The following JARID2 variants were observed in gnomAD, a reference collection of about 807,000 sequenced individuals.
The protein encoded by JARID2 is protein Jumonji.
Under a neutral mutation model 125.6 loss-of-function variants are expected in JARID2, and 21 were observed. That is an observed-to-expected ratio of 0.17 (90% CI 0.12 to 0.24). The LOEUF (loss-of-function observed/expected upper bound fraction) is 0.24, where lower values mean the gene tolerates loss of function less well. JARID2 is among the 10% of genes least tolerant of loss of function. The pLI, the probability that JARID2 is intolerant of heterozygous loss-of-function variation, is 1.00. For missense variants in JARID2, 1,303 were observed against 1,639.6 expected (o/e 0.79, Z 3.55); for synonymous variants, 736 against 661.6 (o/e 1.11, Z -1.73).
chr6:15,390,400 G>A (rs913031993), intron 2 of JARID2, among the ~76,000 whole-genome samples: 14 of 152,252 alleles, frequency 9.2e-5, no homozygotes, highest in South Asian at 2.1e-4. Flanking sequence ...AAGCAGGGAC[G>A]TCCTTCTTAG....
At chr6:15,417,556 A>G (rs190747548) in intron 3 of JARID2, among the ~76,000 whole-genome samples, 2 of 152,290 alleles carry the variant, frequency 1.3e-5, no homozygotes, top group African/African-American at 4.8e-5. Flanking sequence ...CGTGGGCAAT[A>G]TGGCGAAACT....
At chr6:15,516,697 G>A (rs760860790) in intron 16 of JARID2, among the ~76,000 whole-genome samples, 11 of 152,218 alleles carry the variant, frequency 7.2e-5, no homozygotes, top group East Asian at 1.9e-4. Context: ...TCAAGGGTGC[G>A]TTCCCCGGGT....
At chr6:15,384,803 A>C (rs539190811) in intron 2 of JARID2, among the ~76,000 whole-genome samples, 1 of 152,084 alleles carries the variant, frequency 6.6e-6, no homozygotes, top group African/African-American at 2.4e-5. Context: ...TGCCGGGCTT[A>C]AGTGATCCTC....
Position 15,496,881 on chromosome 6 carries a change from G to T in JARID2, c.1656G>T (p.Ala552=). 3 of 1,600,802 alleles carry T rather than the reference G, an allele frequency of 1.9e-6. No individual in the cohort carries two copies. Among genetic ancestry groups the T allele is most frequent in the Non-Finnish European group, 1.7e-6 (2 of 1,171,362 alleles). ...AEKGGGKAGW[A]AMDEIPVLRP... ...AGGGCGGCGGCAAGGCCGGGTGGGC[G>T]GCCATGGACGAGATCCCCGTCCTCA... Residue 552 remains alanine, a synonymous_variant, in exon 7 of 18, where the codon GCG becomes GCT. Coordinates refer to ENST00000341776, the MANE Select transcript of JARID2 (RefSeq NM_004973.4).
intron 1 of JARID2, among the ~76,000 whole-genome samples, chr6:15,343,227 C>CAAAA (rs11471181): frequency 1.3e-5 from 1 of 74,934 alleles, no homozygotes; most frequent in Non-Finnish European, 2.5e-5. Flanking sequence ...GAAACTCCGT[C>CAAAA]AAAAAAAAAA....
intron 1 of JARID2, among the ~76,000 whole-genome samples, chr6:15,258,954 AT>A (rs1408130180): frequency 1.3e-5 from 2 of 152,238 alleles, no homozygotes; most frequent in African/African-American, 2.4e-5. Context: ...GAGGATAGAA[AT>A]TCAGATAATA....
chr6:15,498,755 C>T (rs984178633), intron 7 of JARID2, among the ~76,000 whole-genome samples: 6 of 152,232 alleles, frequency 3.9e-5, no homozygotes, highest in Non-Finnish European at 8.8e-5. Flanking sequence ...GGTTTGTGCT[C>T]TGCTGTTGGG....
chr6:15,412,712 G>T (rs1199186363), intron 3 of JARID2, among the ~76,000 whole-genome samples: 1 of 152,164 alleles, frequency 6.6e-6, no homozygotes, highest in African/African-American at 2.4e-5. Context: ...AGTGGGTTGG[G>T]TATGAACCCT....
At chr6:15,454,987 A>G (rs1768091667) in intron 4 of JARID2, among the ~76,000 whole-genome samples, 1 of 152,142 alleles carries the variant, frequency 6.6e-6, no homozygotes, top group Non-Finnish European at 1.5e-5. Flanking sequence ...GTGTACTCAG[A>G]AGGATGTATT....
intron 1 of JARID2, among the ~76,000 whole-genome samples, chr6:15,322,752 G>A (rs1211823007): frequency 2.0e-4 from 31 of 152,206 alleles, no homozygotes; most frequent in Admixed American, 2.0e-3. Context: ...GTGATGTTTT[G>A]TATGAGAAGT....
chr6:15,482,948 T>G (rs1443403476), intron 5 of JARID2, among the ~76,000 whole-genome samples: 1 of 152,202 alleles, frequency 6.6e-6, no homozygotes, highest in Non-Finnish European at 1.5e-5. Context: ...CAAGGGTACA[T>G]CATCAAAGAA....
rs139571951 is a variant in JARID2 at position 15,398,439 on chromosome 6, A to G, written c.182-11785A>G. Among the ~76,000 whole-genome samples, 4 of 152,210 alleles carry G rather than the reference A, an allele frequency of 2.6e-5. No homozygotes were observed. The East Asian group carries it at 5.8e-4, about 22-fold the overall frequency. ...GTGTTGTTATTCCTAAATTGAATCC[A>G]TTTCTTAGTGTTATTCTTGGTCTTC... On this transcript the variant is annotated intron_variant, in intron 2 of 17. Transcript: ENST00000341776.
chr6:15,447,021 C>T (rs1039221919), intron 3 of JARID2, among the ~76,000 whole-genome samples: 2 of 152,180 alleles, frequency 1.3e-5, no homozygotes, highest in African/African-American at 4.8e-5. Context: ...TTGAACATAA[C>T]AAAGTGACCA....
At chr6:15,403,837 T>C (rs576441727) in intron 2 of JARID2, among the ~76,000 whole-genome samples, 12 of 152,258 alleles carry the variant, frequency 7.9e-5, no homozygotes, top group Non-Finnish European at 1.5e-4. Flanking sequence ...AACAAAAATA[T>C]GTCCCCCGCG....
rs755860869 is a variant in JARID2 at position 15,504,550 on chromosome 6, G to A, written c.2499G>A (p.Met833Ile). ...TTTATCGAACAGCGAGGAATATCAT[G>A]AGCATGTGTTTCAGCAAGGAGCCTG... ...TTFYRTARNI[M>I]SMCFSKEPAP... Residue 833 changes from methionine (M) to isoleucine (I), a missense_variant, in exon 9 of 18, where the codon ATG (methionine) becomes ATA (isoleucine). Physicochemically the swap from Met to Ile is conservative, Grantham distance 10. Around this residue, in one of 11 missense-constraint regions of JARID2, gnomAD observed 29 missense variants for 47.7 expected, o/e 0.61. Coordinates refer to ENST00000341776, the MANE Select transcript of JARID2 (RefSeq NM_004973.4). 2.5e-6 allele frequency: 4 copies of A among 1,614,118 alleles called. No individual in the cohort carries two copies. The highest frequency in any genetic ancestry group is 2.2e-5 in the East Asian group (1 of 44,888).
chr6:15,372,414 A>G (rs530793823), intron 1 of JARID2, among the ~76,000 whole-genome samples: 46 of 152,168 alleles, frequency 3.0e-4, no homozygotes, highest in Non-Finnish European at 5.7e-4. Flanking sequence ...GTGGGAGTGC[A>G]GTGGCGTGAT....
Position 15,520,139 on chromosome 6 carries a change from G to C in JARID2, c.3629G>C (p.Cys1210Ser), listed in dbSNP as rs760457741. The change falls in exon 18 of 18, where the codon TGT (cysteine) becomes TCT (serine). Residue 1210 changes from cysteine (C) to serine (S), a missense_variant. Coordinates refer to ENST00000341776, the MANE Select transcript of JARID2 (RefSeq NM_004973.4). ...GGTAAAAACGGCAGCATTGAGAACT[G>C]TCTCAGTAAACCCACACCAAAAAGA... ...VSGKNGSIEN[C>S]LSKPTPKRGP... The C allele has an allele frequency of 6.2e-7, 1 of 1,614,000 alleles. No individual in the cohort carries two copies. The highest frequency in any genetic ancestry group is 8.5e-7 in the Non-Finnish European group (1 of 1,179,938).
chr6:15,368,610 G>C (rs1228870082), intron 1 of JARID2: 7 of 426,814 alleles, frequency 1.6e-5, no homozygotes, highest in Middle Eastern at 6.9e-4. Flanking sequence ...AGAAGGGTTT[G>C]AGAGACCGTG....
At chr6:15,506,255 G>A (rs1308371667) in intron 9 of JARID2, among the ~76,000 whole-genome samples, 2 of 152,194 alleles carry the variant, frequency 1.3e-5, no homozygotes, top group African/African-American at 2.4e-5. Flanking sequence ...CGCACCAGAC[G>A]CTGGTTGCCC....
Sources: allele counts gnomAD v4.1 joint callset (sites outside exome capture counted in the v4.1 genomes callset), GRCh38; gene constraint gnomAD v4.1.1; regional missense constraint gnomAD v4.1.1; transcripts MANE v1.5; gene names NCBI Gene and HGNC (gene_info 2026-07-23, HGNC 2026-07-21).